The following PCDHGA5 variants were observed in gnomAD, a reference collection of about 807,000 sequenced individuals.
PCDHGA5 encodes protocadherin gamma subfamily A, 5, also known as protocadherin gamma-A5.
PCDHGA5 carries 36 observed loss-of-function variants against 56.7 expected under a neutral mutation model. The observed-to-expected ratio is 0.64, with a 90% CI of 0.49 to 0.84. The LOEUF (loss-of-function observed/expected upper bound fraction) is 0.84. PCDHGA5 is among the 40% of genes least tolerant of loss of function. PCDHGA5 has a pLI of 0.00. For missense variants in PCDHGA5, 1,305 were observed against 1,201.5 expected, an observed-to-expected ratio of 1.09 and a Z score of -1.27; for synonymous variants, 563 against 520.2, an observed-to-expected ratio of 1.08 and a Z score of -1.12.
rs1226558966 is a variant in PCDHGA5, at chr5:141,432,589, G to C, written c.2422-62218G>C. The C allele has an allele frequency of 6.2e-7, 1 of 1,613,916 alleles. No homozygotes were observed. The highest frequency in any genetic ancestry group is 8.5e-7 in the Non-Finnish European group (1 of 1,179,974). The stretch of plus-strand genomic sequence containing the variant: ...CCTGGCTGTCCTACCGTCTGCTCAA[G>C]GCCAGCGAGCCGGGACTCTTCTCGG... On this transcript the variant is annotated intron_variant, in intron 1 of 3. Coordinates refer to ENST00000518069, the MANE Select transcript of PCDHGA5 (RefSeq NM_018918.3). The surrounding 1 kb of genome is among the most constrained non-coding windows in gnomAD (Gnocchi z 6.0).
Position 141,364,466 on chromosome 5 carries a change from G to A in PCDHGA5, c.136G>A (p.Gly46Ser), listed in dbSNP as rs1391136210. The change falls in exon 1 of 4, where the codon GGC (glycine) becomes AGC (serine). Residue 46 changes from glycine to serine, a missense_variant. Gly to Ser is a moderately conservative substitution (Grantham distance 56). Coordinates refer to ENST00000518069, the MANE Select transcript of PCDHGA5 (RefSeq NM_018918.3). ...PEELDKGSFV[G>S]NIAKDLGLEP... ...GGAGCTGGACAAAGGCTCCTTCGTC[G>A]GCAACATAGCCAAGGACCTTGGGCT... 6.2e-7 allele frequency: 1 copy of A among 1,613,872 alleles called. No individual in the cohort carries two copies. The highest frequency in any genetic ancestry group is 1.3e-5 in the African/African-American group (1 of 74,954).
chr5:141,403,079 T>A (rs770770660), intron 1 of PCDHGA5: 1 of 1,614,064 alleles, frequency 6.2e-7, no homozygotes, highest in East Asian at 2.2e-5. Context: ...AGAAAAGGGC[T>A]ATATTGTGGG....
chr5:141,424,768 A>G (rs143190880), intron 1 of PCDHGA5: 38 of 152,284 alleles, frequency 2.5e-4, no homozygotes, highest in African/African-American at 9.1e-4. Context: ...TCTTATGGCA[A>G]ATAGTACATT....
In PCDHGA5 at chr5:141,431,508, G is replaced by A. The variant is rs774545870; in HGVS notation, c.2422-63299G>A. ...TTTGCTCAGCCCGAGTACCGCGCGA[G>A]CGTTCCGGAGAATCTGGCCTTGGGC... On this transcript the variant is annotated intron_variant, in intron 1 of 3. Coordinates refer to ENST00000518069, the MANE Select transcript of PCDHGA5 (RefSeq NM_018918.3). The surrounding 1 kb of genome is among the most constrained non-coding windows in gnomAD (Gnocchi z 4.8). 12 of 1,613,914 alleles carry A rather than the reference G, an allele frequency of 7.4e-6. No individual in the cohort carries two copies. Among genetic ancestry groups the A allele is most frequent in the East Asian group, 2.2e-5 (1 of 44,904 alleles).
rs146919978 is a variant in PCDHGA5, at chr5:141,489,268, G to A, written c.2422-5539G>A. 1,443 of 1,553,166 alleles carry A rather than the reference G, an allele frequency of 9.3e-4. 2 individuals are homozygous for A. The highest frequency in any genetic ancestry group is 1.2e-3 in the Non-Finnish European group (1,381 of 1,149,786). On this transcript the variant is annotated intron_variant, in intron 1 of 3. Transcript: ENST00000518069. The surrounding 1 kb of genome is among the most constrained non-coding windows in gnomAD (Gnocchi z 4.5). ...GGGGCCCAAGACACTCCCACAGCTCGCTGGGAAATGGCAAGTGCTGTGCAT... is the reference window on the plus strand; with the variant it reads ...GGGGCCCAAGACACTCCCACAGCTCACTGGGAAATGGCAAGTGCTGTGCAT...
At chr5:141,449,016 C>T (rs2098623330) in intron 1 of PCDHGA5, among the ~76,000 whole-genome samples, 1 of 152,008 alleles carries the variant, frequency 6.6e-6, no homozygotes, top group African/African-American at 2.4e-5. Context: ...TTAACAGTTG[C>T]TTAGCATTCC....
At chr5:141,378,315 G>A (rs933879461) in intron 1 of PCDHGA5, 5 of 152,248 alleles carry the variant, frequency 3.3e-5, no homozygotes, top group African/African-American at 1.2e-4. Context: ...ACGAAGTCAG[G>A]AGTTCGAGAC....
At chr5:141,492,993 G>A (rs952802686) in intron 1 of PCDHGA5, among the ~76,000 whole-genome samples, 5 of 152,216 alleles carry the variant, frequency 3.3e-5, no homozygotes, top group African/African-American at 1.2e-4. Flanking sequence ...CTGGCAGATG[G>A]AAAGCTATAG....
chr5:141,413,272 C>T lies in PCDHGA5; in HGVS notation c.2421+46521C>T, dbSNP rs753942667. Reference sequence around the variant, plus strand: ...CGGGATTCCATGGGAGGCTGGAGCCCGGCAGATCTCCTACTCAATTCCTGA... The same window carrying T: ...CGGGATTCCATGGGAGGCTGGAGCCTGGCAGATCTCCTACTCAATTCCTGA... On this transcript the variant is annotated intron_variant, in intron 1 of 3. Coordinates refer to ENST00000518069, the MANE Select transcript of PCDHGA5 (RefSeq NM_018918.3). 8.1e-6 allele frequency: 13 copies of T among 1,613,944 alleles called. No individual in the cohort carries two copies. In the South Asian group the frequency reaches 1.4e-4, roughly 18 times the overall value.
intron 1 of PCDHGA5, chr5:141,390,163 C>CG (rs780815400): frequency 1.2e-6 from 2 of 1,613,992 alleles, no homozygotes; most frequent in Admixed American, 1.7e-5. Context: ...ACAGGAAAGA[C>CG]GGAGTTTAAT....
At position 141,476,746 on chromosome 5, in the gene PCDHGA5, C is replaced by A; in HGVS notation, c.2422-18061C>A. 1 of 1,614,068 alleles carries A rather than the reference C, an allele frequency of 6.2e-7. No homozygotes were observed. On this transcript the variant is annotated intron_variant, in intron 1 of 3. Transcript: ENST00000518069. The surrounding 1 kb of genome is among the most constrained non-coding windows in gnomAD (Gnocchi z 7.6). ...TGGACCGAGAACGGGAGCCTAGTCT[C>A]CAGTTAGTGCTGACGGCGTTGGACG...
intron 1 of PCDHGA5, among the ~76,000 whole-genome samples, chr5:141,482,884 C>A (rs2099574053): frequency 6.6e-6 from 1 of 152,116 alleles, no homozygotes; most frequent in Non-Finnish European, 1.5e-5. Flanking sequence ...CCAGCCTGGC[C>A]AACATGGTGA....
At chr5:141,497,464 TGGA>T (rs769464389) in intron 2 of PCDHGA5, among the ~76,000 whole-genome samples, 3 of 151,764 alleles carry the variant, frequency 2.0e-5, no homozygotes, top group Non-Finnish European at 4.4e-5. Context: ...CTTGGAGATA[TGGA>T]GGAGAAGGTG....
At chr5:141,428,066 A>T in intron 1 of PCDHGA5, 2 of 1,609,118 alleles carry the variant, frequency 1.2e-6, no homozygotes, top group Non-Finnish European at 1.7e-6. Context: ...CGGTGGACGC[A>T]GATTCGGGAC....
At chr5:141,373,229 A>C (rs941177727) in intron 1 of PCDHGA5, among the ~76,000 whole-genome samples, 5 of 152,240 alleles carry the variant, frequency 3.3e-5, no homozygotes, top group Non-Finnish European at 7.3e-5. Flanking sequence ...CCTGTATATA[A>C]TATTTTTACT....
At chr5:141,389,957 G>C in intron 1 of PCDHGA5, 2 of 1,614,080 alleles carry the variant, frequency 1.2e-6, no homozygotes, top group Non-Finnish European at 1.7e-6. Flanking sequence ...TTTACCTAGT[G>C]GTGGCCTTGG....
chr5:141,509,199 GTC>G (rs1017134758), intron 3 of PCDHGA5, among the ~76,000 whole-genome samples: 1 of 152,070 alleles, frequency 6.6e-6, no homozygotes, highest in Non-Finnish European at 1.5e-5. Context: ...AATATTTCCT[GTC>G]TCTCTATTTC....
chr5:141,415,126 C>T, intron 1 of PCDHGA5: 1 of 1,613,688 alleles, frequency 6.2e-7, no homozygotes, highest in Non-Finnish European at 8.5e-7. Context: ...AGTGGCCGTC[C>T]AGGACCACGG....
rs1376914747 is a variant in PCDHGA5, at chr5:141,432,008, A to T, written c.2422-62799A>T. On this transcript the variant is annotated intron_variant, in intron 1 of 3. Coordinates refer to ENST00000518069, the MANE Select transcript of PCDHGA5 (RefSeq NM_018918.3). This position sits in a 1 kb window ranked among gnomAD's most constrained non-coding sequence, Gnocchi z 6.0. ...AGTCTTGGATAGGGAACAGGTTCCT[A>T]GCTACAACATCACAGTGACCGCCAC... 1 of 1,614,200 alleles carries T rather than the reference A, an allele frequency of 6.2e-7. No homozygotes were observed. The highest frequency in any genetic ancestry group is 2.2e-5 in the East Asian group (1 of 44,888).
Sources: gnomAD v4.1 joint callset for allele counts (sites outside exome capture counted in the v4.1 genomes callset) on GRCh38, gnomAD v4.1.1 for gene constraint, Gnocchi (gnomAD v3.1) non-coding constraint, MANE v1.5 for transcripts, NCBI Gene and HGNC (gene_info 2026-07-23, HGNC 2026-07-21) for gene names.